APC: variants seen among roughly 807,000 people sequenced by gnomAD.
APC encodes the protein APC regulator of Wnt signaling pathway.
Under a neutral mutation model 247.0 loss-of-function variants are expected in APC, and 72 were observed. The ratio of observed to expected loss-of-function variants is 0.29; its 90% CI spans 0.24 to 0.35. The LOEUF (loss-of-function observed/expected upper bound fraction) is 0.35, where lower values mean the gene tolerates loss of function less well. Among genes scored for constraint, APC ranks in the 10% least tolerant of loss-of-function variants. The pLI is 1.00. For missense variants in APC, 3,400 were observed against 3,360.7 expected (o/e 1.01, Z -0.29); for synonymous variants, 1,254 against 1,162.5 (o/e 1.08, Z -1.60).
intron 4 of APC, among the ~76,000 whole-genome samples, chr5:112,773,759 A>G (rs1757302191): frequency 6.6e-6 from 1 of 152,216 alleles, no homozygotes; most frequent in East Asian, 1.9e-4. Context: ...TATGCAGCCC[A>G]ACAACTGACA....
rs1057523515 is a variant in APC at position 112,837,556 on chromosome 5, A to G, written c.1962A>G (p.Gln654=). The G allele has an allele frequency of 6.2e-7, 1 of 1,612,088 alleles. No homozygotes were observed. Among genetic ancestry groups the G allele is most frequent in the Non-Finnish European group, 8.5e-7 (1 of 1,178,306 alleles). ...TGATCTCTTGATTTTATTTCAGGCA[A>G]ATCCTAAGAGAGAACAACTGTCTAC... The part of the protein sequence containing the change: ...SLIATNEDHR[Q]ILRENNCLQT... The change falls in exon 16 of 16, where the codon CAA becomes CAG. Residue 654 remains glutamine (Q), a synonymous_variant. Coordinates refer to ENST00000257430, the MANE Select transcript of APC (RefSeq NM_000038.6).
At chr5:112,807,939 G>A (rs537729573) in intron 8 of APC, among the ~76,000 whole-genome samples, 34 of 152,236 alleles carry the variant, frequency 2.2e-4, no homozygotes, top group Non-Finnish European at 3.2e-4. Context: ...CGGATCACTT[G>A]AGGTCAGGAG....
chr5:112,730,657 A>C (rs1752054576), intron 1 of APC, among the ~76,000 whole-genome samples: 1 of 152,202 alleles, frequency 6.6e-6, no homozygotes, highest in African/African-American at 2.4e-5. Flanking sequence ...TTGCAGGAGC[A>C]GCCCTAGCAA....
upstream of APC, among the ~76,000 whole-genome samples, chr5:112,733,134 A>C (rs1752180129): frequency 6.6e-6 from 1 of 152,254 alleles, no homozygotes; most frequent in South Asian, 2.1e-4. Context: ...GAGCTATATG[A>C]GTAAGAAACT....
rs1473007055 is a variant in APC at position 112,707,653 on chromosome 5, C to T, written c.-65C>T. ...GTTGGCTCGATGCTGTTCCCAGGTA[C>T]TGTTGTTGGCTGTTGGTGAGGAAGG... On this transcript the variant is annotated 5_prime_UTR_variant, in exon 1 of 14. Transcript: ENST00000507379. The T allele has an allele frequency of 3.3e-5, 45 of 1,363,920 alleles. No individual in the cohort carries two copies. The highest frequency in any genetic ancestry group is 4.3e-5 in the Non-Finnish European group (44 of 1,032,986). The allele number at this position is 1,363,920 out of a possible 1,614,324, so 84.5% of individuals were successfully genotyped here. A position where few individuals can be genotyped will look rare whatever the true frequency, so the allele number is the denominator to read the frequency against.
chr5:112,719,595 C>A (rs1032911470), intron 1 of APC, among the ~76,000 whole-genome samples: 6 of 148,576 alleles, frequency 4.0e-5, no homozygotes, highest in Non-Finnish European at 8.9e-5. Flanking sequence ...GCTGGAGTGG[C>A]GTGATCTCCA....
intron 11 of APC, among the ~76,000 whole-genome samples, chr5:112,825,523 G>A (rs1055513421): frequency 5.9e-5 from 9 of 152,034 alleles, no homozygotes; most frequent in Middle Eastern, 3.2e-3. Context: ...TGCTTAGAAC[G>A]CATCTTTCTT....
rs183645724 is a variant in APC, at chr5:112,771,668, A to G, written c.423-3961A>G. Among the ~76,000 whole-genome samples, 10 of 152,232 alleles carry G rather than the reference A, an allele frequency of 6.6e-5. No homozygotes were observed. In the East Asian group the frequency reaches 1.5e-3, roughly 23 times the overall value. ...TTTGGAAGCTTTTGAATGTTTTGGT[A>G]TGCATATTTTCCTCATTCATCATGC... On this transcript the variant is annotated intron_variant, in intron 4 of 15. Transcript: ENST00000257430.
chr5:112,830,958 CA>C (rs1210648234), intron 14 of APC, among the ~76,000 whole-genome samples: 3 of 151,994 alleles, frequency 2.0e-5, no homozygotes, highest in African/African-American at 4.8e-5. Context: ...CAATAAAGTT[CA>C]AAAAAATTAG....
At chr5:112,799,219 A>T (rs577872717) in intron 7 of APC, among the ~76,000 whole-genome samples, 530 of 149,014 alleles carry the variant, frequency 3.6e-3, no homozygotes, top group Non-Finnish European at 5.5e-3. Context: ...CTTTAATATT[A>T]CTCAACATAT....
intron 3 of APC, among the ~76,000 whole-genome samples, 157 bp downstream of exon 3, chr5:112,766,567 TA>T (rs1308185561): frequency 2.6e-5 from 4 of 152,162 alleles, no homozygotes; most frequent in Non-Finnish European, 4.4e-5. Flanking sequence ...AAAGTACAAA[TA>T]AATAAAAAAT....
intron 6 of APC, among the ~76,000 whole-genome samples, chr5:112,781,554 T>G (rs1044096545): frequency 6.6e-6 from 1 of 152,200 alleles, no homozygotes; most frequent in African/African-American, 2.4e-5. Context: ...TTTTAACTTT[T>G]GGGACAAATT....
intron 2 of APC, among the ~76,000 whole-genome samples, chr5:112,761,435 A>C (rs905367174): frequency 2.6e-5 from 4 of 152,234 alleles, no homozygotes; most frequent in African/African-American, 7.2e-5. Context: ...ATTGGAGTCT[A>C]TAATTAAAAG....
At chr5:112,719,691 C>T (rs1751376781) in intron 1 of APC, among the ~76,000 whole-genome samples, 1 of 152,002 alleles carries the variant, frequency 6.6e-6, no homozygotes. Context: ...CGCACCATCA[C>T]ACCCGGCTAA....
intron 5 of APC, among the ~76,000 whole-genome samples, chr5:112,779,147 G>A (rs1447958035): frequency 1.3e-5 from 2 of 152,112 alleles, no homozygotes; most frequent in Non-Finnish European, 2.9e-5. Context: ...AGTGCTCCTG[G>A]GAATTAAGGA....
intron 1 of APC, among the ~76,000 whole-genome samples, chr5:112,713,901 G>T (rs1342991688): frequency 6.6e-6 from 1 of 152,194 alleles, no homozygotes; most frequent in South Asian, 2.1e-4. Context: ...CAAGTGATCC[G>T]CCCACCTTGG....
At chr5:112,816,791 T>G (rs1762554115) in intron 9 of APC, among the ~76,000 whole-genome samples, 1 of 151,490 alleles carries the variant, frequency 6.6e-6, no homozygotes, top group African/African-American at 2.4e-5. Flanking sequence ...AAAACTCCAT[T>G]TCAAAAGAAA....
rs536609333 is a variant in APC at position 112,739,670 on chromosome 5, A to G, written c.-19+1745A>G. Among the ~76,000 whole-genome samples, 4 of 152,304 alleles carry G rather than the reference A, an allele frequency of 2.6e-5. No individual in the cohort carries two copies. In the East Asian group the frequency reaches 7.7e-4, roughly 29 times the overall value. On this transcript the variant is annotated intron_variant, in intron 1 of 15. Transcript: ENST00000257430. ...GATCACTTGAGCCTTGGCGTTCAAG[A>G]CCAGCCTGGGCAACCAAGCAAGACC...
intron 2 of APC, among the ~76,000 whole-genome samples, chr5:112,757,093 A>G (rs1658801069): frequency 1.3e-5 from 2 of 152,092 alleles, no homozygotes; most frequent in Admixed American, 6.5e-5. Flanking sequence ...CCTGAAACCA[A>G]CCATAAATTT....
Sources: gnomAD v4.1 joint callset for allele counts (sites outside exome capture counted in the v4.1 genomes callset) on GRCh38, gnomAD v4.1.1 for gene constraint, MANE v1.5 for transcripts, NCBI Gene and HGNC (gene_info 2026-07-23, HGNC 2026-07-21) for gene names.